PDZRN4: variants seen among roughly 807,000 people sequenced by gnomAD.
The protein encoded by PDZRN4 is PDZ domain-containing RING finger protein 4.
In PDZRN4, 70 loss-of-function variants were observed where a neutral mutation model predicts 99.0. That is an observed-to-expected ratio of 0.71 (90% confidence interval 0.58 to 0.86). The LOEUF is 0.86. Among genes scored for constraint, PDZRN4 ranks in the 40% least tolerant of loss-of-function variants. The pLI, the probability that PDZRN4 is intolerant of heterozygous loss-of-function variation, is 0.00. For missense variants in PDZRN4, 1,474 were observed against 1,331.2 expected (o/e 1.11, Z -1.67); for synonymous variants, 551 against 501.6 (o/e 1.10, Z -1.32).
intron 3 of PDZRN4, among the ~76,000 whole-genome samples, chr12:41,268,097 C>T (rs748168586): frequency 6.6e-6 from 1 of 150,966 alleles, no homozygotes; most frequent in African/African-American, 2.5e-5. Context: ...CTAAGTTCTG[C>T]GACAGATACA....
chr12:41,389,908 T>C (rs898931243), intron 3 of PDZRN4, among the ~76,000 whole-genome samples: 1 of 152,200 alleles, frequency 6.6e-6, no homozygotes, highest in African/African-American at 2.4e-5. Flanking sequence ...ACATTCACCA[T>C]TACATTCAGA....
At chr12:41,416,219 T>C (rs528521482) in intron 3 of PDZRN4, among the ~76,000 whole-genome samples, 19 of 152,226 alleles carry the variant, frequency 1.2e-4, no homozygotes, top group Non-Finnish European at 2.8e-4. Flanking sequence ...ATACATCCAC[T>C]GTAGTTTAAA....
At chr12:41,290,395 G>T (rs1300091762) in intron 3 of PDZRN4, among the ~76,000 whole-genome samples, 1 of 152,104 alleles carries the variant, frequency 6.6e-6, no homozygotes, top group Non-Finnish European at 1.5e-5. Flanking sequence ...CACTTTAAAA[G>T]AAAAGTTAAT....
chr12:41,259,692 A>T (rs549345896), intron 3 of PDZRN4, among the ~76,000 whole-genome samples: 54 of 152,240 alleles, frequency 3.5e-4, no homozygotes, highest in African/African-American at 1.3e-3. Context: ...ATAAAATCTT[A>T]AAAAAATATG....
chr12:41,316,458 G>A (rs1249443180), intron 3 of PDZRN4, among the ~76,000 whole-genome samples: 1 of 80,002 alleles, frequency 1.2e-5, no homozygotes, highest in Non-Finnish European at 2.4e-5. Context: ...AAAGGCAAAT[G>A]TGTGTGTGTG....
chr12:41,435,765 G>A (rs1487150734), intron 3 of PDZRN4, among the ~76,000 whole-genome samples: 2 of 152,110 alleles, frequency 1.3e-5, no homozygotes, highest in Non-Finnish European at 2.9e-5. Context: ...TCCACTCTGG[G>A]CAACAGAGCA....
At chr12:41,336,825 T>G (rs1951778952) in intron 3 of PDZRN4, among the ~76,000 whole-genome samples, 1 of 152,068 alleles carries the variant, frequency 6.6e-6, no homozygotes, top group African/African-American at 2.4e-5. Context: ...CTAGGTGGGA[T>G]GGCAGAACTG....
At chr12:41,377,435 C>T (rs545974902) in intron 3 of PDZRN4, among the ~76,000 whole-genome samples, 17 of 152,224 alleles carry the variant, frequency 1.1e-4, no homozygotes, top group South Asian at 4.2e-4. Context: ...GAGGCCAAGG[C>T]GGGCGGATCA....
At chr12:41,219,704 G>A (rs912392147) in intron 3 of PDZRN4, among the ~76,000 whole-genome samples, 3 of 152,052 alleles carry the variant, frequency 2.0e-5, no homozygotes, top group Non-Finnish European at 4.4e-5. Context: ...GTATGAAGAA[G>A]CAACCTTGAT....
At chr12:41,218,651 T>C (rs1950936032) in intron 3 of PDZRN4, among the ~76,000 whole-genome samples, 1 of 152,128 alleles carries the variant, frequency 6.6e-6, no homozygotes, top group Non-Finnish European at 1.5e-5. Flanking sequence ...GTTGTATCTG[T>C]TAAATAAAAT....
intron 8 of PDZRN4, among the ~76,000 whole-genome samples, chr12:41,565,463 T>A (rs1446514903): frequency 6.6e-6 from 1 of 150,988 alleles, no homozygotes; most frequent in Non-Finnish European, 1.5e-5. Context: ...AAAAAAAATC[T>A]TGTCTTTATA....
chr12:41,205,551 T>G (rs997875342), intron 3 of PDZRN4, among the ~76,000 whole-genome samples: 4 of 151,906 alleles, frequency 2.6e-5, no homozygotes, highest in Non-Finnish European at 4.4e-5. Context: ...TCTCAAGGAC[T>G]TCTCACTGGA....
At chr12:41,212,770 A>AT (rs1256547220) in intron 3 of PDZRN4, among the ~76,000 whole-genome samples, 2 of 151,960 alleles carry the variant, frequency 1.3e-5, no homozygotes, top group Non-Finnish European at 2.9e-5. Context: ...GAGATCAAGG[A>AT]TTTTTTCTTT....
chr12:41,560,311 G>T (rs1939248197), intron 7 of PDZRN4, among the ~76,000 whole-genome samples: 1 of 152,100 alleles, frequency 6.6e-6, no homozygotes, highest in South Asian at 2.1e-4. Context: ...ATATGGAAGA[G>T]AAAAGCTATA....
chr12:41,541,264 TTACCCA>T (rs1287935873), intron 5 of PDZRN4, among the ~76,000 whole-genome samples: 23 of 151,806 alleles, frequency 1.5e-4, no homozygotes, highest in Non-Finnish European at 8.8e-5. Context: ...TCCTTTGTCC[TTACCCA>T]TCTATCCTAC....
chr12:41,205,959 G>A (rs145409091), intron 3 of PDZRN4, among the ~76,000 whole-genome samples: 18 of 151,922 alleles, frequency 1.2e-4, no homozygotes, highest in African/African-American at 4.3e-4. Flanking sequence ...CTATTCTTTA[G>A]AGTTCAACTT....
chr12:41,565,509 A>G (rs1939352793), intron 8 of PDZRN4, among the ~76,000 whole-genome samples: 1 of 124,610 alleles, frequency 8.0e-6, no homozygotes, highest in Non-Finnish European at 1.6e-5. Context: ...AATTTATCTC[A>G]TTGTTGTATG....
In PDZRN4 at chr12:41,572,685, A is replaced by G; in HGVS notation, c.1906A>G (p.Lys636Glu). ...RFRQLLELKC[K>E]IRNHGEYDLY... ...CAGGCAGCTCTTGGAGCTCAAATGC[A>G]AGATTCGAAATCATGGAGAGTATGA... Residue 636 changes from lysine (K) to glutamate (E), a missense_variant, in exon 10 of 10, where the codon AAG becomes GAG. Lys to Glu is a moderately conservative substitution (Grantham distance 56). Transcript: ENST00000402685. The G allele has an allele frequency of 6.2e-7, 1 of 1,614,182 alleles. No individual in the cohort carries two copies. Among genetic ancestry groups the G allele is most frequent in the Non-Finnish European group, 8.5e-7 (1 of 1,180,014 alleles).
At chr12:41,274,099 G>T (rs1951334028) in intron 3 of PDZRN4, among the ~76,000 whole-genome samples, 1 of 151,678 alleles carries the variant, frequency 6.6e-6, no homozygotes, top group Non-Finnish European at 1.5e-5. Flanking sequence ...TTTTCATTTT[G>T]TACTGGGATA....
Sources: allele counts gnomAD v4.1 joint callset (sites outside exome capture counted in the v4.1 genomes callset), GRCh38; gene constraint gnomAD v4.1.1; transcripts MANE v1.5; gene names NCBI Gene and HGNC (gene_info 2026-07-23, HGNC 2026-07-21).